Variants in ARSK observed in about 807,000 individuals in gnomAD.
ARSK encodes arylsulfatase family member K, also known as arylsulfatase K.
Under a neutral mutation model 53.2 loss-of-function variants are expected in ARSK, and 37 were observed. The ratio of observed to expected loss-of-function variants is 0.70; its 90% CI spans 0.54 to 0.92. The LOEUF is 0.92. Among genes scored for constraint, ARSK ranks in the 40% least tolerant of loss-of-function variants. The pLI is 0.00. For missense variants in ARSK, 613 were observed against 643.0 expected (o/e 0.95, Z 0.51); for synonymous variants, 208 against 223.2 (o/e 0.93, Z 0.61).
At chr5:95,598,211 T>C (rs1749345419) in intron 6 of ARSK, among the ~76,000 whole-genome samples, 1 of 152,198 alleles carries the variant, frequency 6.6e-6, no homozygotes, top group African/African-American at 2.4e-5. Context: ...CGGTTACTTC[T>C]AGTCTGTGCT....
At chr5:95,576,366 T>A (rs765930004) in intron 3 of ARSK, among the ~76,000 whole-genome samples, 6 of 151,548 alleles carry the variant, frequency 4.0e-5, no homozygotes, top group Non-Finnish European at 8.8e-5. Flanking sequence ...ACCCGGCTAA[T>A]TTTTTGTATT....
chr5:95,582,659 A>G (rs940209285), intron 3 of ARSK, among the ~76,000 whole-genome samples: 1 of 152,226 alleles, frequency 6.6e-6, no homozygotes, highest in African/African-American at 2.4e-5. Flanking sequence ...TGCTGTAAGA[A>G]AAGTTAACTG....
chr5:95,599,854 A>T (rs551954188), intron 6 of ARSK, among the ~76,000 whole-genome samples: 26 of 152,116 alleles, frequency 1.7e-4, no homozygotes, highest in Non-Finnish European at 3.7e-4. Flanking sequence ...AGTTAAATTA[A>T]TTTTCTTATT....
intron 6 of ARSK, among the ~76,000 whole-genome samples, chr5:95,597,905 G>A (rs28368321): frequency 0.11 from 12,556 of 113,916 alleles, 793 homozygotes; most frequent in African/African-American, 0.17. Flanking sequence ...AAAAAAAAAA[G>A]TGGGGGGCGG....
At chr5:95,581,715 A>G (rs186363837) in intron 3 of ARSK, among the ~76,000 whole-genome samples, 68 of 151,984 alleles carry the variant, frequency 4.5e-4, no homozygotes, top group Admixed American at 7.9e-4. Context: ...AACAATACTA[A>G]TAGTCACATA....
At chr5:95,597,729 A>G (rs1244467868) in intron 6 of ARSK, among the ~76,000 whole-genome samples, 1 of 152,118 alleles carries the variant, frequency 6.6e-6, no homozygotes, top group Non-Finnish European at 1.5e-5. Context: ...CCCCGTTTCT[A>G]CTAAAAATAC....
At chr5:95,594,384 A>T (rs984163127) in intron 6 of ARSK, among the ~76,000 whole-genome samples, 2 of 152,238 alleles carry the variant, frequency 1.3e-5, no homozygotes, top group Admixed American at 1.3e-4. Context: ...TAACAGATGG[A>T]TCAAAAGAAA....
At chr5:95,557,358 T>A (rs1390404839) in intron 1 of ARSK, among the ~76,000 whole-genome samples, 1 of 152,232 alleles carries the variant, frequency 6.6e-6, no homozygotes, top group Non-Finnish European at 1.5e-5. Flanking sequence ...ATACTTTCCA[T>A]TCAAATTTAA....
chr5:95,578,217 T>C (rs1461312351), intron 3 of ARSK, among the ~76,000 whole-genome samples: 2 of 152,094 alleles, frequency 1.3e-5, no homozygotes, highest in Non-Finnish European at 2.9e-5. Context: ...AGTGGCAGGA[T>C]CATAGCTCAC....
intron 1 of ARSK, among the ~76,000 whole-genome samples, chr5:95,558,169 T>C (rs549508961): frequency 6.6e-6 from 1 of 152,306 alleles, no homozygotes; most frequent in Admixed American, 6.5e-5. Flanking sequence ...AGCTGAGAAG[T>C]TGAGGGCTCC....
Position 95,591,434 on chromosome 5 carries a change from T to C in ARSK, c.905T>C (p.Leu302Pro). The change falls in exon 6 of 8, where the codon CTT becomes CCT. Residue 302 changes from leucine to proline, a missense_variant. Physicochemically the swap from Leu to Pro is moderately conservative, Grantham distance 98. Coordinates refer to ENST00000380009, the MANE Select transcript of ARSK (RefSeq NM_198150.3). ...ATTTTGGCCCTTCATCAATTAGATC[T>C]TCTTCAGAAAACTATTGTCATATAC... Reference protein sequence around the residue: ...EIILALHQLDLLQKTIVIYSS... With the variant: ...EIILALHQLDPLQKTIVIYSS... 2 of 1,613,996 alleles carry C rather than the reference T, an allele frequency of 1.2e-6. No individual in the cohort carries two copies. Among genetic ancestry groups the C allele is most frequent in the Non-Finnish European group, 1.7e-6 (2 of 1,179,868 alleles).
At chr5:95,594,385 T>A (rs191485410) in intron 6 of ARSK, among the ~76,000 whole-genome samples, 214 of 152,278 alleles carry the variant, frequency 1.4e-3, no homozygotes, top group South Asian at 4.1e-3. Flanking sequence ...AACAGATGGA[T>A]CAAAAGAAAT....
chr5:95,568,294 C>T lies in ARSK; in HGVS notation c.416+245C>T, dbSNP rs188634573. Among the ~76,000 whole-genome samples the T allele has an allele frequency of 2.1e-3, 324 of 152,232 alleles. 5 individuals carry two copies. The highest frequency in any genetic ancestry group is 1.6e-3 in the Non-Finnish European group (109 of 68,010). The stretch of plus-strand genomic sequence containing the variant: ...GGTCTATAAATAGTGTTTGTAAACT[C>T]GTTTAGCCCACGCTTTATTTTCATT... On this transcript the variant is annotated intron_variant, in intron 3 of 7. Transcript: ENST00000380009.
chr5:95,588,979 A>AAC (rs1749168099), intron 5 of ARSK, among the ~76,000 whole-genome samples: 1 of 152,156 alleles, frequency 6.6e-6, no homozygotes, highest in African/African-American at 2.4e-5. Flanking sequence ...ACAAACAAAA[A>AAC]AAAAATTAAA....
intron 4 of ARSK, among the ~76,000 whole-genome samples, chr5:95,584,251 T>C (rs1580225468): frequency 1.3e-5 from 2 of 152,242 alleles, no homozygotes; most frequent in Admixed American, 6.5e-5. Context: ...CACTGACACA[T>C]TTTAAAAGAA....
chr5:95,566,651 A>G (rs190074737), intron 2 of ARSK, among the ~76,000 whole-genome samples: 107 of 152,342 alleles, frequency 7.0e-4, no homozygotes, highest in Admixed American at 2.0e-3. Flanking sequence ...TAATAATTTA[A>G]CAAATAGGCA....
At chr5:95,597,925 G>A (rs1317948879) in intron 6 of ARSK, among the ~76,000 whole-genome samples, 5 of 151,420 alleles carry the variant, frequency 3.3e-5, no homozygotes, top group Non-Finnish European at 4.4e-5. Flanking sequence ...GGTAATAGTG[G>A]CTATTTCATA....
intron 3 of ARSK, among the ~76,000 whole-genome samples, chr5:95,573,117 G>A (rs1009243745): frequency 1.3e-5 from 2 of 152,128 alleles, no homozygotes; most frequent in African/African-American, 4.8e-5. Context: ...GACATTTTAT[G>A]CTCGTCAGCC....
At position 95,586,574 on chromosome 5, in the gene ARSK, G is replaced by A. The variant is rs1474089849; in HGVS notation, c.712G>A (p.Ala238Thr). The A allele has an allele frequency of 2.5e-6, 4 of 1,611,438 alleles. No homozygotes were observed. The highest frequency in any genetic ancestry group is 3.4e-6 in the Non-Finnish European group (4 of 1,179,116). ...LYWLEKVSHD[A>T]IKIPKWSPLS... ...CTCCCCTTTTTAGGTGTCTCATGAT[G>A]CCATCAAAATCCCAAAGTGGTCACC... The change falls in exon 5 of 8, where the codon GCC becomes ACC. Residue 238 changes from alanine to threonine, a missense_variant. By Grantham distance (58) the Ala-to-Thr change is moderately conservative. Transcript: ENST00000380009.
Sources: allele counts gnomAD v4.1 joint callset (sites outside exome capture counted in the v4.1 genomes callset), GRCh38; gene constraint gnomAD v4.1.1; transcripts MANE v1.5; gene names NCBI Gene and HGNC (gene_info 2026-07-23, HGNC 2026-07-21).